SREK1IP1: variants seen among roughly 807,000 people sequenced by gnomAD.
SREK1IP1 encodes the protein SREK1 interacting protein 1, also known as protein SREK1IP1.
Under a neutral mutation model 22.8 loss-of-function variants are expected in SREK1IP1, and 12 were observed. The observed-to-expected ratio is 0.53, with a 90% CI of 0.34 to 0.85. The LOEUF (loss-of-function observed/expected upper bound fraction) is 0.85. Ranked by LOEUF, SREK1IP1 falls within the 40% of genes least tolerant of loss-of-function variation. SREK1IP1 has a pLI of 0.02. For missense variants in SREK1IP1, 147 were observed against 171.8 expected, an observed-to-expected ratio of 0.86 and a Z score of 0.81; for synonymous variants, 53 against 52.7, an observed-to-expected ratio of 1.01 and a Z score of -0.02.
chr5:64,725,309 C>G (rs1292036972), intron 4 of SREK1IP1, among the ~76,000 whole-genome samples: 4 of 151,906 alleles, frequency 2.6e-5, no homozygotes, highest in Non-Finnish European at 5.9e-5. Flanking sequence ...AACAGAAAAC[C>G]CTATCTTTTA....
At chr5:64,749,064 T>TAATA (rs777577863) in intron 2 of SREK1IP1, among the ~76,000 whole-genome samples, 4,896 of 96,102 alleles carry the variant, frequency 0.051, 119 homozygotes, top group Non-Finnish European at 0.062. Context: ...TGCCACATAA[T>TAATA]AATAATAATA....
chr5:64,767,419 A>G (rs544300530), intron 1 of SREK1IP1, among the ~76,000 whole-genome samples: 1 of 152,206 alleles, frequency 6.6e-6, no homozygotes, highest in East Asian at 1.9e-4. Context: ...TCCAATGCCC[A>G]GTACCAGTGC....
At chr5:64,764,765 T>C (rs1422534413) in intron 1 of SREK1IP1, among the ~76,000 whole-genome samples, 1 of 152,162 alleles carries the variant, frequency 6.6e-6, no homozygotes, top group Non-Finnish European at 1.5e-5. Flanking sequence ...GGATCAGATA[T>C]ATGATTCAGG....
In SREK1IP1 at chr5:64,732,914, T is replaced by C. The variant is rs72756857; in HGVS notation, c.206-4735A>G. On this transcript the variant is annotated intron_variant, in intron 3 of 4. Coordinates refer to ENST00000513458, the MANE Select transcript of SREK1IP1 (RefSeq NM_173829.4). The stretch of plus-strand genomic sequence containing the variant: ...CACACAAATAGAACCAACTGATTTT[T>C]TGGGGAAAAAAAAAAAAAAGCAAAG... Among the ~76,000 whole-genome samples the C allele has an allele frequency of 8.2e-3, 1,245 of 151,312 alleles. 5 individuals are homozygous for C. Among genetic ancestry groups the C allele is most frequent in the Non-Finnish European group, 0.012 (821 of 67,796 alleles).
chr5:64,729,015 A>G (rs57045767), intron 3 of SREK1IP1, among the ~76,000 whole-genome samples: 1,741 of 152,044 alleles, frequency 0.011, 32 homozygotes, highest in African/African-American at 0.04. Context: ...ACATGGTGAA[A>G]CCCCATTTCT....
chr5:64,762,738 T>C (rs1742970875), intron 1 of SREK1IP1, among the ~76,000 whole-genome samples: 1 of 152,172 alleles, frequency 6.6e-6, no homozygotes, highest in East Asian at 1.9e-4. Context: ...AAATAGCAGA[T>C]GTCTTAATAG....
intron 3 of SREK1IP1, among the ~76,000 whole-genome samples, chr5:64,735,149 A>T (rs1742439409): frequency 7.4e-6 from 1 of 134,826 alleles, no homozygotes; most frequent in South Asian, 2.4e-4. Flanking sequence ...TTTTCTTAAA[A>T]TATTGTGACA....
intron 3 of SREK1IP1, among the ~76,000 whole-genome samples, chr5:64,729,736 C>T (rs752843964): frequency 2.6e-5 from 4 of 151,998 alleles, no homozygotes; most frequent in Admixed American, 1.3e-4. Flanking sequence ...GATGATGGAA[C>T]GAAAGGAATC....
Position 64,724,274 on chromosome 5 carries a change from G to T in SREK1IP1, c.*110C>A. 1 of 957,896 alleles carries T rather than the reference G, an allele frequency of 1.0e-6. No homozygotes were observed. Among genetic ancestry groups the T allele is most frequent in the Non-Finnish European group, 1.5e-6 (1 of 657,632 alleles). 59.3% of individuals were successfully genotyped at this position (957,896 alleles called of 1,614,324 possible). A position where few individuals can be genotyped will look rare whatever the true frequency, so the allele number is the denominator to read the frequency against. ...TCCCAAATACGAAAAATGTCTATAT[G>T]GAAAAGGCTGTGATTTATTGCAAAG... On this transcript the variant is annotated 3_prime_UTR_variant, in exon 5 of 5. Transcript: ENST00000513458.
At chr5:64,735,113 AG>A (rs1243744403) in intron 3 of SREK1IP1, among the ~76,000 whole-genome samples, 1 of 151,952 alleles carries the variant, frequency 6.6e-6, no homozygotes, top group Non-Finnish European at 1.5e-5. Context: ...TTTTATCAGA[AG>A]TATATGATGG....
intron 4 of SREK1IP1, among the ~76,000 whole-genome samples, chr5:64,725,480 T>C (rs1742246665): frequency 6.6e-6 from 1 of 152,174 alleles, no homozygotes. Flanking sequence ...TAAGAAAATC[T>C]GAGACGGATA....
At position 64,724,587 on chromosome 5, in the gene SREK1IP1, T is replaced by C. The variant is rs370955631; in HGVS notation, c.279-14A>G. The stretch of plus-strand genomic sequence containing the variant: ...GATGAGTAAGACCTATGGATAATAA[T>C]ACATACTGACTGAGAATTGCATTTA... On this transcript the variant is annotated splice_polypyrimidine_tract_variant and intron_variant, in intron 4 of 4. Transcript: ENST00000513458. The C allele has an allele frequency of 2.6e-5, 40 of 1,510,008 alleles. No individual in the cohort carries two copies. Among genetic ancestry groups the C allele is most frequent in the Non-Finnish European group, 3.4e-5 (39 of 1,133,672 alleles). 93.5% of individuals were successfully genotyped at this position (1,510,008 alleles called of 1,614,324 possible).
chr5:64,768,676 G>T lies in SREK1IP1; in HGVS notation c.-159C>A, dbSNP rs1743118915. The T allele has an allele frequency of 2.2e-6, 2 of 898,504 alleles. No individual in the cohort carries two copies. Among genetic ancestry groups the T allele is most frequent in the Admixed American group, 2.3e-5 (1 of 43,352 alleles). The allele number at this position is 898,504 out of a possible 1,614,324, so 55.7% of individuals were successfully genotyped here. ...GAAGGGCCTGTACGCCTCTAGCGAC[G>T]GCAGAACCAGTAGATGCGGATGCAG... is the stretch of plus-strand genomic sequence containing the variant. On this transcript the variant is annotated 5_prime_UTR_variant, in exon 1 of 5. Coordinates refer to ENST00000513458, the MANE Select transcript of SREK1IP1 (RefSeq NM_173829.4).
chr5:64,735,071 A>C (rs1394534043), intron 3 of SREK1IP1, among the ~76,000 whole-genome samples: 1 of 151,964 alleles, frequency 6.6e-6, no homozygotes, highest in African/African-American at 2.4e-5. Context: ...AAGTTAATGA[A>C]GTTCTCTTCT....
intron 2 of SREK1IP1, among the ~76,000 whole-genome samples, chr5:64,744,608 A>G (rs1742602956): frequency 6.6e-6 from 1 of 152,236 alleles, no homozygotes. Context: ...AAATAGTGGA[A>G]TATCAGCAAT....
chr5:64,724,486 CTT>C lies in SREK1IP1; in HGVS notation c.364_365del (p.Lys122GlufsTer2), dbSNP rs768199051. 32 of 1,589,294 alleles carry C rather than the reference CTT, an allele frequency of 2.0e-5. No homozygotes were observed. The highest frequency in any genetic ancestry group is 2.7e-5 in the Non-Finnish European group (32 of 1,172,790). On this transcript the variant is annotated frameshift_variant, in exon 5 of 5. Coordinates refer to ENST00000513458, the MANE Select transcript of SREK1IP1 (RefSeq NM_173829.4). LOFTEE classifies it high-confidence loss of function. Reference protein sequence around the residue: ...YQKKEKKKEKKSKSKKGKHHK... With the variant: ...YQKKEKKKEKXSKSKKGKHHK... ...GATGTTTCCCTTTTTTTGATTTACT[CTT>C]TTTTTCTTTTTTCTTTTCTTTCTTC...
chr5:64,763,160 A>G (rs6880859), intron 1 of SREK1IP1, among the ~76,000 whole-genome samples: 1 of 152,146 alleles, frequency 6.6e-6, no homozygotes, highest in Non-Finnish European at 1.5e-5. Context: ...CTGATATGAG[A>G]TTTATACTGA....
chr5:64,729,147 C>G (rs1280644486), intron 3 of SREK1IP1, among the ~76,000 whole-genome samples: 1 of 152,164 alleles, frequency 6.6e-6, no homozygotes, highest in Non-Finnish European at 1.5e-5. Flanking sequence ...CTCATAAAAT[C>G]CTAGGAGATT....
intron 1 of SREK1IP1, among the ~76,000 whole-genome samples, chr5:64,757,733 T>C (rs925427809): frequency 2.6e-5 from 4 of 152,178 alleles, no homozygotes; most frequent in Admixed American, 1.3e-4. Context: ...GCAACTCTTC[T>C]GAAGCTCACT....
Sources: allele counts gnomAD v4.1 joint callset (sites outside exome capture counted in the v4.1 genomes callset), GRCh38; gene constraint gnomAD v4.1.1; transcripts MANE v1.5; gene names NCBI Gene and HGNC (gene_info 2026-07-23, HGNC 2026-07-21).